FREM1: variants seen among roughly 807,000 people sequenced by gnomAD.
FREM1 encodes the protein FRAS1-related extracellular matrix protein 1.
FREM1 carries 220 observed loss-of-function variants against 210.1 expected under a neutral mutation model. The observed-to-expected ratio is 1.05, with a 90% CI of 0.94 to 1.17. The LOEUF (loss-of-function observed/expected upper bound fraction) is 1.17, where lower values mean the gene tolerates loss of function less well. Among genes scored for constraint, FREM1 ranks in the 50% most tolerant of loss-of-function variants. The probability of loss-of-function intolerance (pLI) is 0.00; values close to 1 mark genes in which losing one functional copy is unlikely to be tolerated. For missense variants in FREM1, 3,454 were observed against 2,675.5 expected, an observed-to-expected ratio of 1.29 and a Z score of -6.42; for synonymous variants, 1,189 against 980.2, an observed-to-expected ratio of 1.21 and a Z score of -3.98.
intron 27 of FREM1, among the ~76,000 whole-genome samples, chr9:14,760,355 T>C (rs1845266521): frequency 6.6e-6 from 1 of 152,204 alleles, no homozygotes; most frequent in Non-Finnish European, 1.5e-5. Context: ...AGAGATATTC[T>C]CTGAACTTGG....
At position 14,819,217 on chromosome 9, in the gene FREM1, C is replaced by T. The variant is rs773862586; in HGVS notation, c.2546+17G>A. The T allele has an allele frequency of 6.4e-7, 1 of 1,553,656 alleles. No homozygotes were observed. The highest frequency in any genetic ancestry group is 8.8e-7 in the Non-Finnish European group (1 of 1,141,104). On this transcript the variant is annotated intron_variant, in intron 14 of 36. Transcript: ENST00000380880. ...AAACTAAAGCATGTAAATAAAAAAA[C>T]CATGAAATGTTCTAACCTAACTTTT... is the stretch of plus-strand genomic sequence containing the variant.
At position 14,801,707 on chromosome 9, in the gene FREM1, G is replaced by C; in HGVS notation, c.3639C>G (p.Asn1213Lys). The change falls in exon 20 of 37, where the codon AAC becomes AAG. Residue 1213 changes from asparagine (N) to lysine (K), a missense_variant. Coordinates refer to ENST00000380880, the MANE Select transcript of FREM1 (RefSeq NM_001379081.2). ...KDFSENKQPA[N>K]PHQKHAPVHS... ...GAACAGGTGCATGTTTCTGGTGAGG[G>C]TTGGCTGGCTGCTTATTCTCAGAGA... is the stretch of plus-strand genomic sequence containing the variant. 1 of 1,613,978 alleles carries C rather than the reference G, an allele frequency of 6.2e-7. No homozygotes were observed. Among genetic ancestry groups the C allele is most frequent in the Non-Finnish European group, 8.5e-7 (1 of 1,179,862 alleles).
intron 22 of FREM1, among the ~76,000 whole-genome samples, chr9:14,791,911 CA>C (rs1195995975): frequency 2.0e-5 from 3 of 152,094 alleles, no homozygotes; most frequent in African/African-American, 7.2e-5. Flanking sequence ...CAGCTCACTG[CA>C]ACCTCTCCCC....
chr9:14,770,846 C>T, intron 25 of FREM1, 40 bp from the exon 26 acceptor site: 4 of 1,469,340 alleles, frequency 2.7e-6, no homozygotes, highest in Non-Finnish European at 3.8e-6. Context: ...GTCCAAAGGC[C>T]CCTCACCCCC....
chr9:14,847,982 A>G (rs1647546422), intron 7 of FREM1, among the ~76,000 whole-genome samples: 1 of 152,210 alleles, frequency 6.6e-6, no homozygotes, highest in Non-Finnish European at 1.5e-5. Flanking sequence ...ATACAAACAC[A>G]TATCTATGTG....
intron 24 of FREM1, among the ~76,000 whole-genome samples, chr9:14,780,074 C>G (rs1028300985): frequency 3.9e-5 from 6 of 152,126 alleles, no homozygotes; most frequent in Non-Finnish European, 8.8e-5. Flanking sequence ...CCAAATACCC[C>G]CTCCCCTAAA....
At position 14,834,211 on chromosome 9, in the gene FREM1, A is replaced by T. The variant is rs539595717; in HGVS notation, c.1881+7236T>A. On this transcript the variant is annotated intron_variant, in intron 10 of 36. Coordinates refer to ENST00000380880, the MANE Select transcript of FREM1 (RefSeq NM_001379081.2). Reference sequence around the variant, plus strand: ...AAATAAGGCAACATCTCCACCCCACACTGAGGGATGAGACTCCCATCAGGG... The same window carrying T: ...AAATAAGGCAACATCTCCACCCCACTCTGAGGGATGAGACTCCCATCAGGG... Among the ~76,000 whole-genome samples, 21 of 152,236 alleles carry T rather than the reference A, an allele frequency of 1.4e-4. No homozygotes were observed. In the East Asian group the frequency reaches 4.1e-3, roughly 29 times the overall value.
At chr9:14,857,400 C>A (rs905404153) in intron 5 of FREM1, 153 bp downstream of exon 5, 11 of 748,986 alleles carry the variant, frequency 1.5e-5, no homozygotes, top group South Asian at 5.9e-5. Flanking sequence ...ACTAGCAGAA[C>A]CAACAAGCCT....
intron 3 of FREM1, among the ~76,000 whole-genome samples, chr9:14,861,116 TATACATATATAC>T (rs1480184607): frequency 1.9e-5 from 2 of 107,014 alleles, no homozygotes; most frequent in African/African-American, 9.8e-5. Flanking sequence ...TACACATATA[TATACATATATAC>T]ACATATATAC....
At chr9:14,740,083 G>C in intron 36 of FREM1, 66 bp downstream of exon 36, 1 of 946,118 alleles carries the variant, frequency 1.1e-6, no homozygotes, top group Non-Finnish European at 1.7e-6. Context: ...GTAGCAGGGT[G>C]GTGGTGCCTG....
intron 1 of FREM1, among the ~76,000 whole-genome samples, chr9:14,902,220 T>A (rs533336601): frequency 6.6e-6 from 1 of 152,192 alleles, no homozygotes; most frequent in Non-Finnish European, 1.5e-5. Flanking sequence ...TAATGCCAGA[T>A]CTCTCTGGCC....
At chr9:14,752,501 C>T (rs932623503) in intron 29 of FREM1, among the ~76,000 whole-genome samples, 12 of 152,188 alleles carry the variant, frequency 7.9e-5, no homozygotes, top group African/African-American at 2.2e-4. Flanking sequence ...ACAACATAGG[C>T]AAGAGGGAAG....
chr9:14,824,006 T>A lies in FREM1; in HGVS notation c.2169+19A>T. 6.6e-7 allele frequency: 1 copy of A among 1,505,838 alleles called. No individual in the cohort carries two copies. The highest frequency in any genetic ancestry group is 9.1e-7 in the Non-Finnish European group (1 of 1,098,198). 93.3% of individuals were successfully genotyped at this position (1,505,838 alleles called of 1,614,324 possible). ...CACACTTGCATCATGTTTGTCAGCATTTTAGCATATCCTCATACCTGAGTG... is the reference window on the plus strand; with the variant it reads ...CACACTTGCATCATGTTTGTCAGCAATTTAGCATATCCTCATACCTGAGTG... On this transcript the variant is annotated intron_variant, in intron 12 of 36. Coordinates refer to ENST00000380880, the MANE Select transcript of FREM1 (RefSeq NM_001379081.2).
intron 7 of FREM1, 68 bp downstream of exon 7, chr9:14,848,597 C>T (rs1827105340): frequency 1.1e-6 from 1 of 876,072 alleles, no homozygotes. Context: ...ACCTTTCTTT[C>T]CTGACCCATC....
chr9:14,860,896 T>TATATACAC (rs1242627306), intron 3 of FREM1, among the ~76,000 whole-genome samples: 1 of 117,398 alleles, frequency 8.5e-6, no homozygotes, highest in South Asian at 2.7e-4. Context: ...CATATATACA[T>TATATACAC]ATATACACAT....
intron 19 of FREM1, 83 bp from the exon 20 acceptor site, chr9:14,801,957 T>A: frequency 1.0e-6 from 1 of 971,196 alleles, no homozygotes; most frequent in Non-Finnish European, 1.6e-6. Flanking sequence ...AGAAATCACT[T>A]GAATATATCC....
intron 36 of FREM1, 118 bp from the exon 37 acceptor site, chr9:14,737,713 C>T (rs1840658016): frequency 3.8e-6 from 3 of 780,306 alleles, no homozygotes; most frequent in Admixed American, 7.0e-5. Context: ...GGTTCTAAAA[C>T]AAGGGATAGG....
In FREM1 at chr9:14,886,499, T is replaced by C. The variant is rs538062619; in HGVS notation, c.-267-17255A>G. ...GAACCCACCCAAACGGAAGAGATTT[T>C]TGAAATCCTCAACAAGATGGTGAAG... On this transcript the variant is annotated intron_variant, in intron 1 of 36. Coordinates refer to ENST00000380880, the MANE Select transcript of FREM1 (RefSeq NM_001379081.2). Among the ~76,000 whole-genome samples, 25 of 152,218 alleles carry C rather than the reference T, an allele frequency of 1.6e-4. No individual in the cohort carries two copies. In the South Asian group the frequency reaches 4.4e-3, roughly 27 times the overall value.
intron 13 of FREM1, among the ~76,000 whole-genome samples, chr9:14,822,088 T>A (rs1821458543): frequency 6.6e-6 from 1 of 151,974 alleles, no homozygotes; most frequent in Non-Finnish European, 1.5e-5. Flanking sequence ...TAAATGAGAG[T>A]TCCCTGCACA....
Sources: allele counts gnomAD v4.1 joint callset (sites outside exome capture counted in the v4.1 genomes callset), GRCh38; gene constraint gnomAD v4.1.1; transcripts MANE v1.5; gene names NCBI Gene and HGNC (gene_info 2026-07-23, HGNC 2026-07-21).